SLC39A10: variants seen among roughly 807,000 people sequenced by gnomAD.
The protein encoded by SLC39A10 is zinc transporter ZIP10.
Under a neutral mutation model 65.1 loss-of-function variants are expected in SLC39A10, and 13 were observed. That is an observed-to-expected ratio of 0.20 (90% confidence interval 0.13 to 0.32). The LOEUF (loss-of-function observed/expected upper bound fraction) is 0.32. Ranked by LOEUF, SLC39A10 falls within the 10% of genes least tolerant of loss-of-function variation. The probability of loss-of-function intolerance (pLI) is 1.00; values close to 1 mark genes in which losing one functional copy is unlikely to be tolerated. For missense variants in SLC39A10, 831 were observed against 1,018.4 expected (o/e 0.82, Z 2.50); for synonymous variants, 321 against 342.2 (o/e 0.94, Z 0.68).
chr2:195,657,367 T>TG (rs796670551), intron 1 of SLC39A10, 86 bp downstream of exon 1: 1 of 978,374 alleles, frequency 1.0e-6, no homozygotes, highest in Non-Finnish European at 1.2e-6. Context: ...CGGGACGGCG[T>TG]GGGGGTAGAA....
rs199580003 is a variant in SLC39A10, at chr2:195,736,760, T to TTAA, written c.*1721_*1723dup. The TTAA allele has an allele frequency of 2.0e-4, 30 of 152,746 alleles. No individual in the cohort carries two copies. In the East Asian group the frequency reaches 4.6e-3, roughly 24 times the overall value. 9.5% of individuals were successfully genotyped at this position (152,746 alleles called of 1,614,324 possible). A position where few individuals can be genotyped will look rare whatever the true frequency, so the allele number is the denominator to read the frequency against. On this transcript the variant is annotated 3_prime_UTR_variant, in exon 10 of 10. Coordinates refer to ENST00000359634, the MANE Select transcript of SLC39A10 (RefSeq NM_020342.3). ...TAATAAGTAGAAGTTTTATATATAA[T>TTAA]TAATTTTCAGCATTGGGCACTGAAT...
At chr2:195,671,773 C>G (rs1004551443) in intron 1 of SLC39A10, 1 of 152,156 alleles carries the variant, frequency 6.6e-6, no homozygotes, top group Non-Finnish European at 1.5e-5. Context: ...GTGACTAACC[C>G]CTTGCCAATG....
chr2:195,703,565 G>T (rs908117009), intron 3 of SLC39A10, among the ~76,000 whole-genome samples: 5 of 152,016 alleles, frequency 3.3e-5, no homozygotes, highest in Non-Finnish European at 7.4e-5. Context: ...AAAAGAAATA[G>T]AAAAATATTT....
At chr2:195,697,248 C>G (rs1158209521) in intron 3 of SLC39A10, among the ~76,000 whole-genome samples, 2 of 152,060 alleles carry the variant, frequency 1.3e-5, no homozygotes, top group Non-Finnish European at 2.9e-5. Flanking sequence ...AATTATTATG[C>G]TATATTACAT....
chr2:195,630,103 A>G (rs906966156), intron 2 of SLC39A10, among the ~76,000 whole-genome samples: 18 of 131,824 alleles, frequency 1.4e-4, no homozygotes, highest in South Asian at 2.5e-4. Context: ...CTCATTTTAT[A>G]TGTGTGTGTG....
intron 1 of SLC39A10, among the ~76,000 whole-genome samples, chr2:195,679,084 T>C (rs983189580): frequency 5.3e-5 from 8 of 152,298 alleles, no homozygotes; most frequent in African/African-American, 1.9e-4. Flanking sequence ...ATAGTCAGGG[T>C]GACTGAGAGG....
At chr2:195,644,154 T>C (rs1036289018) in intron 2 of SLC39A10, among the ~76,000 whole-genome samples, 211 of 152,090 alleles carry the variant, frequency 1.4e-3, no homozygotes, top group African/African-American at 4.9e-3. Context: ...TTTTTTTTTT[T>C]TTTTTTAATT....
chr2:195,616,375 C>T (rs1052229219), intron 2 of SLC39A10, among the ~76,000 whole-genome samples: 2 of 151,806 alleles, frequency 1.3e-5, no homozygotes, highest in East Asian at 1.9e-4. Flanking sequence ...GACGCAATTT[C>T]GGCTCACTGC....
chr2:195,670,864 G>A (rs1689831366), intron 1 of SLC39A10, among the ~76,000 whole-genome samples: 1 of 152,174 alleles, frequency 6.6e-6, no homozygotes, highest in Non-Finnish European at 1.5e-5. Context: ...TAGAAATTAT[G>A]TGTTACTGAT....
chr2:195,724,347 G>A (rs1559050743), intron 8 of SLC39A10, among the ~76,000 whole-genome samples: 2 of 152,136 alleles, frequency 1.3e-5, no homozygotes, highest in Admixed American at 1.3e-4. Flanking sequence ...CTGCTGTGAG[G>A]ATTCCTTTGA....
intron 1 of SLC39A10, among the ~76,000 whole-genome samples, chr2:195,672,534 G>C (rs1441940562): frequency 2.6e-5 from 4 of 152,176 alleles, no homozygotes. Context: ...CACAGGTTTA[G>C]TATTACCTCA....
chr2:195,641,482 T>C (rs1247779354), intron 2 of SLC39A10, among the ~76,000 whole-genome samples: 1 of 152,116 alleles, frequency 6.6e-6, no homozygotes, highest in Non-Finnish European at 1.5e-5. Context: ...TTAATAATAT[T>C]CTTATTTAGC....
At chr2:195,723,170 A>G (rs919553504) in intron 8 of SLC39A10, among the ~76,000 whole-genome samples, 1 of 152,204 alleles carries the variant, frequency 6.6e-6, no homozygotes, top group Non-Finnish European at 1.5e-5. Context: ...AAAGCATTTG[A>G]GGAAATAGCA....
chr2:195,616,519 A>C (rs992831327), intron 2 of SLC39A10, among the ~76,000 whole-genome samples: 8 of 150,458 alleles, frequency 5.3e-5, no homozygotes, highest in African/African-American at 2.0e-4. Flanking sequence ...GTTGGCCAGG[A>C]TGGTCTCGAT....
At chr2:195,702,040 A>C (rs114149838) in intron 3 of SLC39A10, among the ~76,000 whole-genome samples, 1 of 151,936 alleles carries the variant, frequency 6.6e-6, no homozygotes, top group African/African-American at 2.4e-5. Context: ...ATTACTTTCT[A>C]ATTTTCTCCA....
rs988124010 is a variant in SLC39A10 at position 195,701,309 on chromosome 2, C to A, written c.1217-5307C>A. On this transcript the variant is annotated intron_variant, in intron 3 of 9. Coordinates refer to ENST00000359634, the MANE Select transcript of SLC39A10 (RefSeq NM_020342.3). Reference sequence around the variant, plus strand: ...TTTTTCTACCCCTTTATTGATACTTCCATTTTGTTTATACATTATCTTCTT... The same window carrying A: ...TTTTTCTACCCCTTTATTGATACTTACATTTTGTTTATACATTATCTTCTT... Among the ~76,000 whole-genome samples, 6 of 142,292 alleles carry A rather than the reference C, an allele frequency of 4.2e-5. No individual in the cohort carries two copies. In the East Asian group the frequency reaches 8.2e-4, roughly 19 times the overall value. 93.3% of individuals were successfully genotyped at this position (142,292 alleles called of 152,430 possible). A position where few individuals can be genotyped will look rare whatever the true frequency, so the allele number is the denominator to read the frequency against.
rs1447378218 is a variant in SLC39A10 at position 195,680,281 on chromosome 2, T to C, written c.239T>C (p.Phe80Ser). 3 of 1,613,952 alleles carry C rather than the reference T, an allele frequency of 1.9e-6. No homozygotes were observed. The highest frequency in any genetic ancestry group is 2.2e-5 in the South Asian group (2 of 91,006). Residue 80 changes from phenylalanine to serine, a missense_variant, in exon 2 of 10, where the codon TTT (phenylalanine) becomes TCT (serine). By Grantham distance (155) the Phe-to-Ser change is radical (BLOSUM62 -2). Around this residue, in one of 4 missense-constraint regions of SLC39A10, gnomAD observed 446 missense variants for 499.2 expected, o/e 0.89. Transcript: ENST00000359634. ...GGTGAAAATGGAAGATTATCCTTTT[T>C]TGGTTTGGAGAAACTTTTAACAAAC... ...RYGENGRLSF[F>S]GLEKLLTNLG... is the part of the protein sequence containing the mutation.
At chr2:195,690,176 A>G (rs893329593) in intron 3 of SLC39A10, among the ~76,000 whole-genome samples, 6,357 of 130,210 alleles carry the variant, frequency 0.049, 233 homozygotes, top group African/African-American at 0.1. Context: ...ACTCTCTGAA[A>G]AAAAAAAAAA....
chr2:195,677,022 C>T (rs1428768580), intron 1 of SLC39A10, among the ~76,000 whole-genome samples: 2 of 152,060 alleles, frequency 1.3e-5, no homozygotes, highest in East Asian at 3.8e-4. Context: ...AGAAACCATA[C>T]AATGTTGTTT....
Sources: allele counts gnomAD v4.1 joint callset (sites outside exome capture counted in the v4.1 genomes callset), GRCh38; gene constraint gnomAD v4.1.1; regional missense constraint gnomAD v4.1.1; transcripts MANE v1.5; gene names NCBI Gene and HGNC (gene_info 2026-07-23, HGNC 2026-07-21).